CYS1: variants seen among roughly 807,000 people sequenced by gnomAD.
CYS1 encodes cystin-1.
CYS1 carries 5 observed loss-of-function variants against 9.6 expected under a neutral mutation model. The observed-to-expected ratio is 0.52, with a 90% CI of 0.27 to 1.10. The LOEUF is 1.10. Among genes scored for constraint, CYS1 ranks in the 50% least tolerant of loss-of-function variants. The pLI is 0.11. For missense variants in CYS1, 221 were observed against 207.9 expected, an observed-to-expected ratio of 1.06 and a Z score of -0.39; for synonymous variants, 88 against 95.7, an observed-to-expected ratio of 0.92 and a Z score of 0.47.
chr2:10,070,025 G>C (rs904433999), intron 1 of CYS1, among the ~76,000 whole-genome samples: 1 of 152,218 alleles, frequency 6.6e-6, no homozygotes, highest in South Asian at 2.1e-4. Context: ...ACAGAGGCTG[G>C]GTGATCCAAC....
chr2:10,071,421 T>C (rs1661766953), intron 1 of CYS1, among the ~76,000 whole-genome samples: 1 of 152,204 alleles, frequency 6.6e-6, no homozygotes, highest in Non-Finnish European at 1.5e-5. Flanking sequence ...GACTTTGCAC[T>C]GCTCACTAAC....
chr2:10,058,980 G>C, intron 2 of CYS1, 22 bp from the exon 3 acceptor site: 2 of 1,558,692 alleles, frequency 1.3e-6, no homozygotes, highest in Non-Finnish European at 1.7e-6. Context: ...AAATGGGACA[G>C]GGCTGTCAGG....
chr2:10,058,520 C>T lies in CYS1; in HGVS notation c.*333G>A, dbSNP rs1169137933. ...TTGTGTCACCTAGTCCTCGTGAGCC[C>T]TCCCCACTGTGGAGAGCGGGCAACC... On this transcript the variant is annotated 3_prime_UTR_variant, in exon 3 of 3. Transcript: ENST00000381813. 2.4e-5 allele frequency: 6 copies of T among 251,734 alleles called. No individual in the cohort carries two copies. The East Asian group carries it at 4.4e-4, about 19-fold the overall frequency. The allele number at this position is 251,734 out of a possible 1,614,324, so 15.6% of individuals were successfully genotyped here. A position where few individuals can be genotyped will look rare whatever the true frequency, so the allele number is the denominator to read the frequency against.
At chr2:10,072,875 T>C (rs1034145371) in intron 1 of CYS1, among the ~76,000 whole-genome samples, 3 of 149,630 alleles carry the variant, frequency 2.0e-5, no homozygotes, top group Non-Finnish European at 4.4e-5. Context: ...GGGGGAGCGG[T>C]GCAGGCAGGC....
In CYS1 at chr2:10,080,350, G is replaced by C. The variant is rs1661933617; in HGVS notation, c.-127C>G. The C allele has an allele frequency of 3.9e-6, 2 of 509,726 alleles. No homozygotes were observed. The highest frequency in any genetic ancestry group is 5.1e-6 in the Non-Finnish European group (2 of 393,794). The allele number at this position is 509,726 out of a possible 1,614,324, so 31.6% of individuals were successfully genotyped here. A position where few individuals can be genotyped will look rare whatever the true frequency, so the allele number is the denominator to read the frequency against. On this transcript the variant is annotated 5_prime_UTR_variant, in exon 1 of 3. Coordinates refer to ENST00000381813, the MANE Select transcript of CYS1 (RefSeq NM_001037160.3). The surrounding 1 kb of genome is among the most constrained non-coding windows in gnomAD (Gnocchi z 6.4). ...AGGCGCGGGGCGAGGTCCGGGAAGC[G>C]ACCGCGGCCAGGGGCTAGGGTTCCC... is the stretch of plus-strand genomic sequence containing the variant.
At chr2:10,064,079 C>T (rs557421962) in intron 2 of CYS1, among the ~76,000 whole-genome samples, 8 of 152,102 alleles carry the variant, frequency 5.3e-5, no homozygotes, top group African/African-American at 1.2e-4. Context: ...AAAAATTAGC[C>T]GGACAGGGTG....
chr2:10,056,544 C>T lies in CYS1; in HGVS notation c.*2309G>A, dbSNP rs1263969880. ...TGCCTTTGAGATGTGTTTCTTTCTG[C>T]CTCCATTCCAGCCACAGTCCCATCC... On this transcript the variant is annotated 3_prime_UTR_variant, in exon 3 of 3. Transcript: ENST00000381813. Among the ~76,000 whole-genome samples, 1 of 152,264 alleles carries T rather than the reference C, an allele frequency of 6.6e-6. No homozygotes were observed. The highest frequency in any genetic ancestry group is 2.4e-5 in the African/African-American group (1 of 41,464).
Position 10,058,855 on chromosome 2 carries a change from A to G in CYS1, c.475T>C (p.Ter159ArgextTer29). The change falls in exon 3 of 3, where the codon TGA becomes CGA. Residue 159 changes from the stop codon to arginine (R), a stop_lost. Coordinates refer to ENST00000381813, the MANE Select transcript of CYS1 (RefSeq NM_001037160.3). Reference sequence around the variant, plus strand: ...GGCGGGGGTGGAGCATGCTGTCCTCAGCGGCAGTACTCCCGCTCGATGCTC... The same window carrying G: ...GGCGGGGGTGGAGCATGCTGTCCTCGGCGGCAGTACTCCCGCTCGATGCTC... ...MASIEREYCR* is the reference protein window; with the variant it reads ...MASIEREYCRR 1 of 1,572,144 alleles carries G rather than the reference A, an allele frequency of 6.4e-7. No individual in the cohort carries two copies. Among genetic ancestry groups the G allele is most frequent in the African/African-American group, 1.3e-5 (1 of 74,172 alleles).
chr2:10,064,177 C>G (rs563104866), intron 2 of CYS1, among the ~76,000 whole-genome samples: 136 of 152,072 alleles, frequency 8.9e-4, no homozygotes, highest in African/African-American at 3.2e-3. Flanking sequence ...GAGCCGAGAT[C>G]GTACCAGTGC....
chr2:10,073,138 G>C (rs1209596713), intron 1 of CYS1, among the ~76,000 whole-genome samples: 1 of 151,914 alleles, frequency 6.6e-6, no homozygotes, highest in Non-Finnish European at 1.5e-5. Context: ...CAGCGGTGCA[G>C]GTGGGCTCTG....
chr2:10,056,818 A>G lies in CYS1; in HGVS notation c.*2035T>C, dbSNP rs1455020902. 6.6e-6 allele frequency: 1 copy of G among 152,066 alleles called. No homozygotes were observed. The highest frequency in any genetic ancestry group is 1.9e-4 in the East Asian group (1 of 5,192). The allele number at this position is 152,066 out of a possible 1,614,324, so 9.4% of individuals were successfully genotyped here. A position where few individuals can be genotyped will look rare whatever the true frequency, so the allele number is the denominator to read the frequency against. ...TGCTTTATTTGTTCTTTTTATTATT[A>G]TTTTTAAGTTCACCTACAGCTGCAG... On this transcript the variant is annotated 3_prime_UTR_variant, in exon 3 of 3. Coordinates refer to ENST00000381813, the MANE Select transcript of CYS1 (RefSeq NM_001037160.3).
At chr2:10,079,746 C>G (rs956727329) in intron 1 of CYS1, among the ~76,000 whole-genome samples, 160 bp downstream of exon 1, 3 of 151,890 alleles carry the variant, frequency 2.0e-5, no homozygotes, top group Non-Finnish European at 4.4e-5. Flanking sequence ...GGGAGGAAAC[C>G]TGGGGGCCCA....
intron 1 of CYS1, among the ~76,000 whole-genome samples, chr2:10,072,463 G>T (rs1661781024): frequency 6.6e-6 from 1 of 152,216 alleles, no homozygotes; most frequent in Non-Finnish European, 1.5e-5. Flanking sequence ...TCTCCTGAAA[G>T]AGTTCTTCCA....
At chr2:10,066,988 T>C (rs1476893008) in intron 1 of CYS1, among the ~76,000 whole-genome samples, 2 of 152,208 alleles carry the variant, frequency 1.3e-5, no homozygotes, top group African/African-American at 2.4e-5. Context: ...ATTTTCCCTA[T>C]AGAGATACCA....
chr2:10,074,845 C>T (rs1224122196), intron 1 of CYS1, among the ~76,000 whole-genome samples: 1 of 152,216 alleles, frequency 6.6e-6, no homozygotes, highest in Non-Finnish European at 1.5e-5. Flanking sequence ...GGTGCGGTCG[C>T]TCATGCCTAT....
At chr2:10,078,009 G>A (rs1162010598) in intron 1 of CYS1, among the ~76,000 whole-genome samples, 1 of 151,992 alleles carries the variant, frequency 6.6e-6, no homozygotes, top group Non-Finnish European at 1.5e-5. Context: ...AGAAGGCTGA[G>A]GCAAGAGAAT....
At chr2:10,066,747 C>A (rs1345670937) in intron 1 of CYS1, among the ~76,000 whole-genome samples, 1 of 152,126 alleles carries the variant, frequency 6.6e-6, no homozygotes, top group Non-Finnish European at 1.5e-5. Flanking sequence ...GAAAACATTG[C>A]AAAGTGGAAA....
chr2:10,066,068 T>G, intron 1 of CYS1, 112 bp from the exon 2 acceptor site: 1 of 1,217,630 alleles, frequency 8.2e-7, no homozygotes, highest in Non-Finnish European at 1.2e-6. Context: ...CCAGGATCCA[T>G]AAGCCTCGGA....
Position 10,080,037 on chromosome 2 carries a change from G to T in CYS1, c.187C>A (p.Pro63Thr), listed in dbSNP as rs1661919339. Residue 63 changes from proline (P) to threonine (T), a missense_variant, in exon 1 of 3, where the codon CCC becomes ACC. By Grantham distance (38) the Pro-to-Thr change is conservative (BLOSUM62 -1). Coordinates refer to ENST00000381813, the MANE Select transcript of CYS1 (RefSeq NM_001037160.3). This position sits in a 1 kb window ranked among gnomAD's most constrained non-coding sequence, Gnocchi z 6.4. ...AGCGTCTCGTCCCTGCCGTCGGGGGGCGCCACGGGGCTGGGGTCGCGGCCG... is the reference window on the plus strand; with the variant it reads ...AGCGTCTCGTCCCTGCCGTCGGGGGTCGCCACGGGGCTGGGGTCGCGGCCG... ...APGRDPSPVAPPDGRDETLRL... is the reference protein window; with the variant it reads ...APGRDPSPVATPDGRDETLRL... 3.8e-6 allele frequency: 4 copies of T among 1,058,152 alleles called. No homozygotes were observed. Among genetic ancestry groups the T allele is most frequent in the African/African-American group, 1.7e-5 (1 of 58,584 alleles). The allele number at this position is 1,058,152 out of a possible 1,614,324, so 65.5% of individuals were successfully genotyped here.
Sources: allele counts gnomAD v4.1 joint callset (sites outside exome capture counted in the v4.1 genomes callset), GRCh38; gene constraint gnomAD v4.1.1; non-coding constraint Gnocchi (gnomAD v3.1); transcripts MANE v1.5; gene names NCBI Gene and HGNC (gene_info 2026-07-23, HGNC 2026-07-21).